Variants in CSMD2 observed in about 807,000 individuals in gnomAD.
CSMD2 encodes CUB and sushi domain-containing protein 2.
A neutral mutation model predicts 398.5 loss-of-function variants in CSMD2; 130 were observed. The ratio of observed to expected loss-of-function variants is 0.33; its 90% confidence interval spans 0.28 to 0.38. The LOEUF is 0.38. CSMD2 is among the 10% of genes least tolerant of loss of function. CSMD2 has a pLI of 1.00. For synonymous variants in CSMD2, 1,828 were observed against 1,908.5 expected (o/e 0.96, Z 1.10); for missense variants, 3,829 against 4,764.9 (o/e 0.80, Z 5.78).
intron 66 of CSMD2, 21 bp from the exon 67 acceptor site, chr1:33,523,440 G>A (rs1245403138): frequency 8.9e-7 from 1 of 1,117,650 alleles, no homozygotes; most frequent in Admixed American, 2.1e-5. Context: ...AAGTTCAGGT[G>A]TTACACATGA....
intron 12 of CSMD2, among the ~76,000 whole-genome samples, chr1:33,778,479 T>C (rs765952041): frequency 8.1e-4 from 124 of 152,234 alleles, no homozygotes; most frequent in Non-Finnish European, 1.4e-3. Flanking sequence ...GGGCACAAGA[T>C]GATTCACCAC....
chr1:33,679,543 G>C (rs1644834182), intron 25 of CSMD2, among the ~76,000 whole-genome samples: 1 of 152,136 alleles, frequency 6.6e-6, no homozygotes, highest in African/African-American at 2.4e-5. Context: ...ACCTTGCAGA[G>C]CCTCAATTTA....
chr1:33,866,508 C>T (rs958538559), intron 5 of CSMD2, among the ~76,000 whole-genome samples: 1 of 152,240 alleles, frequency 6.6e-6, no homozygotes, highest in Non-Finnish European at 1.5e-5. Flanking sequence ...CCCACAGCTG[C>T]TATTCCAACT....
intron 6 of CSMD2, among the ~76,000 whole-genome samples, chr1:33,842,222 C>A (rs767932475): frequency 1.3e-5 from 2 of 152,224 alleles, no homozygotes; most frequent in Non-Finnish European, 2.9e-5. Flanking sequence ...AGCCATGAGT[C>A]CAGTGGGGTT....
chr1:33,747,793 T>G (rs1647592322), intron 13 of CSMD2, among the ~76,000 whole-genome samples: 1 of 152,186 alleles, frequency 6.6e-6, no homozygotes, highest in African/African-American at 2.4e-5. Context: ...GTGCTGTAAT[T>G]TATCAATATA....
At chr1:33,685,265 A>G (rs1645029630) in intron 25 of CSMD2, among the ~76,000 whole-genome samples, 1 of 152,226 alleles carries the variant, frequency 6.6e-6, no homozygotes, top group African/African-American at 2.4e-5. Context: ...CCAAGTCTGG[A>G]TGGGACCTTC....
At chr1:33,881,354 G>A (rs534129981) in intron 5 of CSMD2, among the ~76,000 whole-genome samples, 2 of 152,164 alleles carry the variant, frequency 1.3e-5, no homozygotes, top group Non-Finnish European at 2.9e-5. Flanking sequence ...TATAAAAACT[G>A]TTCTGTAGGA....
chr1:33,676,777 A>T (rs1335229673), intron 25 of CSMD2, among the ~76,000 whole-genome samples: 1 of 152,208 alleles, frequency 6.6e-6, no homozygotes, highest in African/African-American at 2.4e-5. Context: ...GACCAATAGA[A>T]CAGAACAGAG....
At chr1:33,610,965 A>C (rs978701727) in intron 41 of CSMD2, 76 bp downstream of exon 41, 1 of 1,402,076 alleles carries the variant, frequency 7.1e-7, no homozygotes. Context: ...CCCCACATGG[A>C]AGGCTGGGAA....
At chr1:33,844,469 T>C (rs1661172082) in intron 6 of CSMD2, among the ~76,000 whole-genome samples, 1 of 152,230 alleles carries the variant, frequency 6.6e-6, no homozygotes, top group South Asian at 2.1e-4. Context: ...AACCTTGCTT[T>C]AGAAAGTCAA....
intron 44 of CSMD2, among the ~76,000 whole-genome samples, chr1:33,588,907 G>A (rs984877103): frequency 5.9e-5 from 9 of 152,138 alleles, no homozygotes; most frequent in African/African-American, 1.9e-4. Flanking sequence ...ACACATCCCC[G>A]CCATGGAATT....
rs1650936839 is a variant in CSMD2, at chr1:33,769,172, G to A, written c.1846+3397C>T. Among the ~76,000 whole-genome samples the A allele has an allele frequency of 1.3e-5, 2 of 152,220 alleles. 1 individual carries two copies. The highest frequency in any genetic ancestry group is 1.3e-4 in the Admixed American group (2 of 15,276). On this transcript the variant is annotated intron_variant, in intron 13 of 70. Transcript: ENST00000373381. Reference sequence around the variant, plus strand: ...TTGTGGTGGAAGAATAGCTGGACAAGATTGTATGGGAAATGCTCTCTATTC... The same window carrying A: ...TTGTGGTGGAAGAATAGCTGGACAAAATTGTATGGGAAATGCTCTCTATTC...
rs970963761 is a variant in CSMD2 at position 33,567,576 on chromosome 1, G to A, written c.8380+17C>T. The stretch of plus-strand genomic sequence containing the variant: ...AATCTGAGCCCCATGACTAGGGAGA[G>A]TGGATGACATACTTACGCACACAGA... On this transcript the variant is annotated intron_variant, in intron 53 of 70. Coordinates refer to ENST00000373381, the MANE Select transcript of CSMD2 (RefSeq NM_001281956.2). The A allele has an allele frequency of 1.2e-6, 2 of 1,613,634 alleles. No individual in the cohort carries two copies. The highest frequency in any genetic ancestry group is 1.7e-4 in the Middle Eastern group (1 of 6,052).
At chr1:34,053,575 C>T (rs1338553623) in intron 2 of CSMD2, among the ~76,000 whole-genome samples, 2 of 152,124 alleles carry the variant, frequency 1.3e-5, no homozygotes, top group Non-Finnish European at 1.5e-5. Context: ...AAAACAAGTC[C>T]GCATTGCTTC....
rs750302421 is a variant in CSMD2, at chr1:33,567,649, G to T, written c.8324C>A (p.Ser2775Tyr). The T allele has an allele frequency of 1.2e-6, 2 of 1,614,166 alleles. No individual in the cohort carries two copies. Among genetic ancestry groups the T allele is most frequent in the South Asian group, 2.2e-5 (2 of 91,084 alleles). ...CNAGFRLIGM[S>Y]VRICQQDHHW... is the part of the protein sequence containing the mutation. ...ATGATCCTGCTGGCAGATGCGCACA[G>T]ACATGCCGATCAGGCGGAAGCCAGC... The change falls in exon 53 of 71, where the codon TCT (serine) becomes TAT (tyrosine). Residue 2775 changes from serine to tyrosine, a missense_variant. This residue lies in a region of CSMD2 where 917 missense variants were observed against 1,199.5 expected (regional missense o/e 0.76). Transcript: ENST00000373381.
At chr1:33,986,372 C>T (rs530134787) in intron 3 of CSMD2, among the ~76,000 whole-genome samples, 7 of 152,146 alleles carry the variant, frequency 4.6e-5, no homozygotes, top group South Asian at 2.1e-4. Flanking sequence ...GAAGCTAACA[C>T]GTAACATCCT....
chr1:33,756,496 G>A (rs1310049698), intron 13 of CSMD2, among the ~76,000 whole-genome samples: 2 of 152,246 alleles, frequency 1.3e-5, no homozygotes, highest in Non-Finnish European at 2.9e-5. Context: ...GTCTGAGGAG[G>A]TGGCCTTTGG....
intron 5 of CSMD2, among the ~76,000 whole-genome samples, chr1:33,904,727 C>A (rs894627188): frequency 2.1e-5 from 3 of 143,738 alleles, no homozygotes; most frequent in East Asian, 2.1e-4. Flanking sequence ...TGCAGTGGCA[C>A]GATCTCACTG....
chr1:34,096,912 T>C (rs1659379149), intron 1 of CSMD2, among the ~76,000 whole-genome samples: 1 of 149,040 alleles, frequency 6.7e-6, no homozygotes, highest in African/African-American at 2.5e-5. Context: ...AAAAAACTAC[T>C]TTAAAGTTCA....
Sources: allele counts gnomAD v4.1 joint callset (sites outside exome capture counted in the v4.1 genomes callset), GRCh38; gene constraint gnomAD v4.1.1; regional missense constraint gnomAD v4.1.1; transcripts MANE v1.5; gene names NCBI Gene and HGNC (gene_info 2026-07-23, HGNC 2026-07-21).